Variants in PTPRS observed in about 807,000 individuals in gnomAD.
PTPRS encodes receptor-type tyrosine-protein phosphatase S.
Under a neutral mutation model 215.3 loss-of-function variants are expected in PTPRS, and 63 were observed. The ratio of observed to expected loss-of-function variants is 0.29; its 90% confidence interval spans 0.24 to 0.36. The LOEUF is 0.36. PTPRS is among the 10% of genes least tolerant of loss of function. PTPRS has a pLI of 1.00. For synonymous variants in PTPRS, 1,404 were observed against 1,191.4 expected, an observed-to-expected ratio of 1.18 and a Z score of -3.68; for missense variants, 2,258 against 2,825.8, an observed-to-expected ratio of 0.80 and a Z score of 4.56.
At chr19:5,273,790 A>G (rs1233913196) in intron 3 of PTPRS, among the ~76,000 whole-genome samples, 1 of 152,180 alleles carries the variant, frequency 6.6e-6, no homozygotes, top group Non-Finnish European at 1.5e-5. Context: ...TTGGGTACAT[A>G]TAAGAACAGG....
chr19:5,291,471 C>A (rs528108511), intron 1 of PTPRS, among the ~76,000 whole-genome samples: 1 of 152,170 alleles, frequency 6.6e-6, no homozygotes, highest in South Asian at 2.1e-4. Context: ...CTTCATGGAA[C>A]AACTTGAGAC....
intron 4 of PTPRS, among the ~76,000 whole-genome samples, chr19:5,268,225 C>A (rs1046846939): frequency 6.6e-6 from 1 of 152,110 alleles, no homozygotes; most frequent in African/African-American, 2.4e-5. Context: ...TATTGGCACA[C>A]AGCCACGCCC....
chr19:5,302,362 C>T (rs2049328276), intron 1 of PTPRS, among the ~76,000 whole-genome samples: 1 of 152,104 alleles, frequency 6.6e-6, no homozygotes, highest in African/African-American at 2.4e-5. Context: ...GAGGCCCTGT[C>T]TAGAAACAAC....
chr19:5,258,019 C>T lies in PTPRS; in HGVS notation c.704G>A (p.Arg235Gln). 1 of 1,613,268 alleles carries T rather than the reference C, an allele frequency of 6.2e-7. No individual in the cohort carries two copies. Residue 235 changes from arginine (R) to glutamine (Q), a missense_variant and splice_region_variant, in exon 8 of 38, where the codon CGA becomes CAA. This residue lies in a region of PTPRS where 508 missense variants were observed against 799.4 expected (regional missense o/e 0.64). Transcript: ENST00000262963. ...RYSSPANLYV[R>Q]ELREVRRVAP... ...GACCTGGACGCGGCGTTCCCTACCT[C>T]GCACGTAGAGGTTGGCAGGTGAGGA...
At chr19:5,219,498 T>C in intron 22 of PTPRS, 31 bp from the exon 23 acceptor site, 1 of 1,536,820 alleles carries the variant, frequency 6.5e-7, no homozygotes, top group Non-Finnish European at 8.7e-7. Context: ...TCTCCATCAG[T>C]GTCCACCCTC....
At chr19:5,239,164 G>T in intron 12 of PTPRS, 101 bp from the exon 13 acceptor site, 1 of 432,332 alleles carries the variant, frequency 2.3e-6, no homozygotes, top group Non-Finnish European at 3.9e-6. Context: ...GGGGGGAGGG[G>T]GAGAGAGAGA....
At chr19:5,301,917 G>T (rs571584086) in intron 1 of PTPRS, among the ~76,000 whole-genome samples, 1 of 152,018 alleles carries the variant, frequency 6.6e-6, no homozygotes, top group South Asian at 2.1e-4. Context: ...AGTAGCTGGG[G>T]TTACAGGTAC....
intron 25 of PTPRS, among the ~76,000 whole-genome samples, chr19:5,217,946 T>C (rs975783218): frequency 6.6e-6 from 1 of 152,044 alleles, no homozygotes; most frequent in African/African-American, 2.4e-5. Context: ...CTGGCAGCCA[T>C]GGTGGGAAGA....
At chr19:5,227,857 A>G (rs1180600910) in intron 16 of PTPRS, among the ~76,000 whole-genome samples, 1 of 151,796 alleles carries the variant, frequency 6.6e-6, no homozygotes, top group African/African-American at 2.4e-5. Context: ...AGCACAGAAC[A>G]CTCCCGGGCA....
intron 2 of PTPRS, 23 bp from the exon 3 acceptor site, chr19:5,274,367 G>T (rs772092724): frequency 1.9e-6 from 3 of 1,596,950 alleles, no homozygotes; most frequent in East Asian, 2.3e-5. Context: ...TGGAAAGAAG[G>T]GGGGGCGCTG....
intron 16 of PTPRS, 29 bp from the exon 17 acceptor site, chr19:5,225,873 C>CGGCTGG: frequency 2.5e-6 from 4 of 1,590,404 alleles, no homozygotes; most frequent in Non-Finnish European, 3.5e-6. Context: ...GTCAGCACGA[C>CGGCTGG]GGCTGGGGCT....
At position 5,208,469 on chromosome 19, in the gene PTPRS, C is replaced by T. The variant is rs191849179; in HGVS notation, c.5488-78G>A. 5.2e-5 allele frequency: 68 copies of T among 1,315,148 alleles called. No individual in the cohort carries two copies. In the East Asian group the frequency reaches 1.6e-3, roughly 31 times the overall value. 81.5% of individuals were successfully genotyped at this position (1,315,148 alleles called of 1,614,324 possible). A position where few individuals can be genotyped will look rare whatever the true frequency, so the allele number is the denominator to read the frequency against. On this transcript the variant is annotated intron_variant, in intron 35 of 37. Coordinates refer to ENST00000262963, the MANE Select transcript of PTPRS (RefSeq NM_002850.4). Reference sequence around the variant, plus strand: ...TTTTTCTCCATCCTCCCTATCTTCACCCCCATTTTTTGTTTGTTTGTTTGT... The same window carrying T: ...TTTTTCTCCATCCTCCCTATCTTCATCCCCATTTTTTGTTTGTTTGTTTGT...
chr19:5,275,950 G>A (rs892532945), intron 2 of PTPRS, among the ~76,000 whole-genome samples: 56 of 151,986 alleles, frequency 3.7e-4, no homozygotes, highest in Middle Eastern at 3.4e-3. Context: ...TCCTAGCCTC[G>A]AGCAATCCTC....
intron 25 of PTPRS, 118 bp from the exon 26 acceptor site, chr19:5,216,885 C>T (rs895115341): frequency 1.1e-5 from 7 of 655,978 alleles, no homozygotes; most frequent in Admixed American, 7.3e-5. Flanking sequence ...ACGCGGACAA[C>T]GGGGGGTATG....
In PTPRS at chr19:5,215,169, T is replaced by G. The variant is rs758628645; in HGVS notation, c.4318+120A>C. ...TCTAAAGATGCCCAGTGGCCTCCAG[T>G]TGGAGCTGGACCAGGTCTATGACCA... On this transcript the variant is annotated intron_variant, in intron 28 of 37. Coordinates refer to ENST00000262963, the MANE Select transcript of PTPRS (RefSeq NM_002850.4). 4.5e-6 allele frequency: 6 copies of G among 1,337,190 alleles called. No homozygotes were observed. In the African/African-American group the frequency reaches 8.7e-5, roughly 19 times the overall value. 82.8% of individuals were successfully genotyped at this position (1,337,190 alleles called of 1,614,324 possible). A position where few individuals can be genotyped will look rare whatever the true frequency, so the allele number is the denominator to read the frequency against.
intron 17 of PTPRS, among the ~76,000 whole-genome samples, chr19:5,224,264 G>A (rs1162566030): frequency 6.6e-6 from 1 of 152,328 alleles, no homozygotes; most frequent in South Asian, 2.1e-4. Flanking sequence ...GAAGATCTGG[G>A]GGAATCGTGC....
chr19:5,257,982 G>T lies in PTPRS; in HGVS notation c.706+35C>A, dbSNP rs767155203. On this transcript the variant is annotated intron_variant, in intron 8 of 37. Transcript: ENST00000262963. The surrounding 1 kb of genome is among the most constrained non-coding windows in gnomAD (Gnocchi z 4.4). ...GAGGGAGGGGGATGGGACGGGGCGG[G>T]TCCCTGCCTTTGACCTGGACGCGGC... 8 of 1,571,766 alleles carry T rather than the reference G, an allele frequency of 5.1e-6. No homozygotes were observed. In the Admixed American group the frequency reaches 1.3e-4, roughly 26 times the overall value.
At position 5,295,922 on chromosome 19, in the gene PTPRS, T is replaced by C. The variant is rs904540598; in HGVS notation, c.-94-9688A>G. The stretch of plus-strand genomic sequence containing the variant: ...GGCACATGCCACCACGTCTGGCTAA[T>C]TTTTGGATTTTTTTGTAGACATGGG... On this transcript the variant is annotated intron_variant, in intron 1 of 37. Transcript: ENST00000262963. This position sits in a 1 kb window ranked among gnomAD's most constrained non-coding sequence, Gnocchi z 4.6. 6.6e-6 allele frequency among the ~76,000 whole-genome samples: 1 copy of C among 152,080 alleles called. No individual in the cohort carries two copies. Among genetic ancestry groups the C allele is most frequent in the South Asian group, 2.1e-4 (1 of 4,820 alleles).
rs531339076 is a variant in PTPRS, at chr19:5,226,692, T to C, written c.2377-848A>G. On this transcript the variant is annotated intron_variant, in intron 16 of 37. Coordinates refer to ENST00000262963, the MANE Select transcript of PTPRS (RefSeq NM_002850.4). Reference sequence around the variant, plus strand: ...TGAACCCAGGAGGCGGAGGTTGCAGTGAGCCAACATCGTGGCACTGTACTC... The same window carrying C: ...TGAACCCAGGAGGCGGAGGTTGCAGCGAGCCAACATCGTGGCACTGTACTC... Among the ~76,000 whole-genome samples, 5 of 152,162 alleles carry C rather than the reference T, an allele frequency of 3.3e-5. No individual in the cohort carries two copies. In the East Asian group the frequency reaches 9.7e-4, roughly 29 times the overall value.
Sources: gnomAD v4.1 joint callset for allele counts (sites outside exome capture counted in the v4.1 genomes callset) on GRCh38, gnomAD v4.1.1 for gene constraint, gnomAD v4.1.1 regional missense constraint, Gnocchi (gnomAD v3.1) non-coding constraint, MANE v1.5 for transcripts, NCBI Gene and HGNC (gene_info 2026-07-23, HGNC 2026-07-21) for gene names.